STX3: variants seen among roughly 807,000 people sequenced by gnomAD.
STX3 encodes syntaxin-3.
Under a neutral mutation model 40.2 loss-of-function variants are expected in STX3, and 19 were observed. The observed-to-expected ratio is 0.47, with a 90% CI of 0.33 to 0.69. The LOEUF (loss-of-function observed/expected upper bound fraction) is 0.69. Ranked by LOEUF, STX3 falls within the 30% of genes least tolerant of loss-of-function variation. STX3 has a pLI of 0.02. For missense variants in STX3, 364 were observed against 366.7 expected (o/e 0.99, Z 0.06); for synonymous variants, 122 against 132.2 (o/e 0.92, Z 0.53).
At chr11:59,784,838 A>G (rs1864648886) in intron 2 of STX3, among the ~76,000 whole-genome samples, 1 of 152,138 alleles carries the variant, frequency 6.6e-6, no homozygotes, top group African/African-American at 2.4e-5. Context: ...CACAGAGCCA[A>G]ACTGTATCAG....
rs151157690 is a variant in STX3, at chr11:59,788,928, C to A, written c.270C>A (p.Asn90Lys). 87 of 1,610,628 alleles carry A rather than the reference C, an allele frequency of 5.4e-5. 1 individual carries two copies. The highest frequency in any genetic ancestry group is 1.6e-4 in the Middle Eastern group (1 of 6,080). ...LTTEIKKRANNVRNKLKSMEK... is the reference protein window; with the variant it reads ...LTTEIKKRANKVRNKLKSMEK... ...CTGAGATTAAGAAAAGGGCCAACAA[C>A]GTCCGGAACAAACTGAAGAGTAAGA... The change falls in exon 4 of 11, where the codon AAC (asparagine) becomes AAA (lysine). Residue 90 changes from asparagine to lysine, a missense_variant. Physicochemically the swap from Asn to Lys is moderately conservative, Grantham distance 94 (BLOSUM62 0). Coordinates refer to ENST00000337979, the MANE Select transcript of STX3 (RefSeq NM_004177.5).
intron 2 of STX3, chr11:59,781,824 C>G: frequency 3.6e-6 from 4 of 1,122,924 alleles, no homozygotes; most frequent in Non-Finnish European, 5.2e-6. Flanking sequence ...AATATGAAGA[C>G]TGCTTGGGAT....
chr11:59,799,312 G>A (rs186842441), intron 10 of STX3, among the ~76,000 whole-genome samples: 96 of 149,638 alleles, frequency 6.4e-4, no homozygotes, highest in African/African-American at 2.0e-3. Flanking sequence ...CTTGTGGCAC[G>A]TTCACATACT....
intron 2 of STX3, among the ~76,000 whole-genome samples, chr11:59,776,372 A>G (rs1863965056): frequency 2.0e-5 from 3 of 152,214 alleles, no homozygotes; most frequent in Admixed American, 2.0e-4. Context: ...TCTAGTACAT[A>G]TGTTCTTATC....
intron 2 of STX3, among the ~76,000 whole-genome samples, chr11:59,777,380 C>A (rs1048678452): frequency 1.3e-5 from 2 of 152,176 alleles, no homozygotes; most frequent in African/African-American, 4.8e-5. Flanking sequence ...TGCACCACTG[C>A]AAAGTGATGG....
intron 2 of STX3, among the ~76,000 whole-genome samples, chr11:59,775,133 G>A (rs745320267): frequency 1.1e-4 from 16 of 152,116 alleles, no homozygotes; most frequent in Non-Finnish European, 1.9e-4. Context: ...ATGACGGTTC[G>A]TGCCCATTTA....
intron 1 of STX3, among the ~76,000 whole-genome samples, chr11:59,759,217 A>G (rs1019158441): frequency 2.6e-5 from 4 of 152,196 alleles, no homozygotes; most frequent in Non-Finnish European, 4.4e-5. Flanking sequence ...GGGTTTTTCT[A>G]TTATTCTCAT....
At chr11:59,771,420 C>A (rs1863638228) in intron 1 of STX3, among the ~76,000 whole-genome samples, 1 of 136,514 alleles carries the variant, frequency 7.3e-6, no homozygotes, top group Admixed American at 7.2e-5. Flanking sequence ...CCCCGCCCGC[C>A]CACAGAATCT....
rs117757037 is a variant in STX3, at chr11:59,784,998, G to C, written c.115-2039G>C. On this transcript the variant is annotated intron_variant, in intron 2 of 10. Transcript: ENST00000337979. ...GTGTGGAGGGCACTATTTGCATGCT[G>C]TCCCTACCACTAGCTATGTGACCTA... Among the ~76,000 whole-genome samples, 776 of 152,276 alleles carry C rather than the reference G, an allele frequency of 5.1e-3. 5 individuals are homozygous for C. Among genetic ancestry groups the C allele is most frequent in the African/African-American group, 7.3e-3 (305 of 41,572 alleles).
Position 59,803,113 on chromosome 11 carries a change from T to C in STX3, c.*2289T>C, listed in dbSNP as rs1865956255. ...TCTCCTTTTTCCTTCTGTTGCTCTC[T>C]TCCTTCACACCCTCTTCCATGTCCA... On this transcript the variant is annotated 3_prime_UTR_variant, in exon 11 of 11. Transcript: ENST00000337979. 8.1e-7 allele frequency: 1 copy of C among 1,229,424 alleles called. No individual in the cohort carries two copies. Among genetic ancestry groups the C allele is most frequent in the African/African-American group, 1.6e-5 (1 of 64,500 alleles). The allele number at this position is 1,229,424 out of a possible 1,614,324, so 76.2% of individuals were successfully genotyped here. A position where few individuals can be genotyped will look rare whatever the true frequency, so the allele number is the denominator to read the frequency against.
intron 8 of STX3, 67 bp from the exon 9 acceptor site, chr11:59,795,305 C>A: frequency 7.6e-7 from 1 of 1,312,040 alleles, no homozygotes; most frequent in Non-Finnish European, 1.1e-6. Flanking sequence ...AAGAGAATCC[C>A]TTCCCCGCAT....
At chr11:59,780,270 G>A (rs1290535005) in intron 2 of STX3, among the ~76,000 whole-genome samples, 1 of 152,146 alleles carries the variant, frequency 6.6e-6, no homozygotes, top group African/African-American at 2.4e-5. Flanking sequence ...TAGGTCATGA[G>A]GGCGAATTAG....
intron 1 of STX3, among the ~76,000 whole-genome samples, chr11:59,770,123 G>A (rs1015526075): frequency 1.3e-5 from 2 of 150,538 alleles, no homozygotes; most frequent in African/African-American, 4.9e-5. Context: ...TGTATGTGTG[G>A]AGTGTGTACG....
chr11:59,763,018 T>C (rs1325798622), intron 1 of STX3, among the ~76,000 whole-genome samples: 2 of 152,212 alleles, frequency 1.3e-5, no homozygotes, highest in African/African-American at 2.4e-5. Flanking sequence ...CGTCTTCTCT[T>C]GGGTGTGTAA....
intron 2 of STX3, among the ~76,000 whole-genome samples, chr11:59,785,451 C>G (rs534472693): frequency 6.6e-6 from 1 of 152,118 alleles, no homozygotes. Flanking sequence ...CCGTTTTAGC[C>G]CCCTGAGTAG....
At chr11:59,780,112 A>T (rs372444643) in intron 2 of STX3, among the ~76,000 whole-genome samples, 8 of 152,000 alleles carry the variant, frequency 5.3e-5, no homozygotes, top group African/African-American at 1.7e-4. Context: ...AGGGAACTAC[A>T]TTTCCCAGCT....
chr11:59,777,334 A>T (rs1864021946), intron 2 of STX3, among the ~76,000 whole-genome samples: 1 of 152,182 alleles, frequency 6.6e-6, no homozygotes, highest in Non-Finnish European at 1.5e-5. Flanking sequence ...ATTTTTAGGA[A>T]TGTCTTCCGG....
At chr11:59,764,508 G>T (rs771147341) in intron 1 of STX3, among the ~76,000 whole-genome samples, 2 of 152,198 alleles carry the variant, frequency 1.3e-5, no homozygotes, top group Non-Finnish European at 2.9e-5. Flanking sequence ...GAGGTACAGA[G>T]ATACATCTGA....
intron 1 of STX3, among the ~76,000 whole-genome samples, chr11:59,768,233 C>A (rs985883405): frequency 1.3e-5 from 2 of 152,132 alleles, no homozygotes; most frequent in East Asian, 3.9e-4. Flanking sequence ...TTGCATGTGA[C>A]AGGCAGATTC....
Sources: gnomAD v4.1 joint callset for allele counts (sites outside exome capture counted in the v4.1 genomes callset) on GRCh38, gnomAD v4.1.1 for gene constraint, MANE v1.5 for transcripts, NCBI Gene and HGNC (gene_info 2026-07-23, HGNC 2026-07-21) for gene names.